KALRN: variants seen among roughly 807,000 people sequenced by gnomAD.
KALRN encodes kalirin.
A neutral mutation model predicts 353.7 loss-of-function variants in KALRN; 70 were observed. The ratio of observed to expected loss-of-function variants is 0.20; its 90% CI spans 0.16 to 0.24. KALRN has a LOEUF of 0.24. Among genes scored for constraint, KALRN ranks in the 10% least tolerant of loss-of-function variants. The pLI is 1.00. For missense variants in KALRN, 2,791 were observed against 3,756.7 expected, an observed-to-expected ratio of 0.74 and a Z score of 6.72; for synonymous variants, 1,391 against 1,434.8, an observed-to-expected ratio of 0.97 and a Z score of 0.69.
intron 10 of KALRN, among the ~76,000 whole-genome samples, chr3:124,378,454 GA>G (rs906922528): frequency 2.6e-5 from 4 of 151,832 alleles, no homozygotes; most frequent in African/African-American, 9.7e-5. Context: ...ATAATAAGAG[GA>G]AAAAAACCTT....
chr3:124,496,739 C>A (rs1301808214), intron 33 of KALRN, among the ~76,000 whole-genome samples: 1 of 152,116 alleles, frequency 6.6e-6, no homozygotes, highest in Non-Finnish European at 1.5e-5. Flanking sequence ...GGCTGCTGTG[C>A]CTTCTGGGGG....
chr3:124,682,895 T>C (rs1012023463), intron 51 of KALRN, among the ~76,000 whole-genome samples: 11 of 152,140 alleles, frequency 7.2e-5, no homozygotes, highest in African/African-American at 2.4e-4. Context: ...CTCCCAGCAG[T>C]ACATGCCACA....
At position 124,044,131 on chromosome 3, in the gene KALRN, C is replaced by G. The variant is rs556934869; in HGVS notation, c.73+10318C>G. Among the ~76,000 whole-genome samples, 3 of 152,238 alleles carry G rather than the reference C, an allele frequency of 2.0e-5. No individual in the cohort carries two copies. The East Asian group carries it at 5.8e-4, about 30-fold the overall frequency. On this transcript the variant is annotated intron_variant, in intron 1 of 59. Coordinates refer to ENST00000682506, the MANE Select transcript of KALRN (RefSeq NM_001388419.1). The stretch of plus-strand genomic sequence containing the variant: ...AATCCTTCACACAAAAGAGAAGATG[C>G]CATACTCTCTTTCTTGGACCCAAAC...
chr3:124,163,803 T>G (rs2070388444), intron 1 of KALRN: 1 of 985,384 alleles, frequency 1.0e-6, no homozygotes, highest in Admixed American at 6.1e-5. Context: ...CTGTATGTCA[T>G]CTTGCTCCTG....
At chr3:124,423,010 T>G in intron 15 of KALRN, 32 bp downstream of exon 15, 1 of 1,606,012 alleles carries the variant, frequency 6.2e-7, no homozygotes, top group Non-Finnish European at 8.5e-7. Flanking sequence ...TCAGCCTGGG[T>G]TTCTCAGCCA....
At chr3:124,577,871 AAAC>A (rs751627451) in intron 34 of KALRN, among the ~76,000 whole-genome samples, 12 of 50,078 alleles carry the variant, frequency 2.4e-4, no homozygotes, top group Non-Finnish European at 4.0e-4. Flanking sequence ...AAAACAAAAC[AAAC>A]AAACAAACAA....
chr3:124,191,194 C>T (rs1194727826), intron 1 of KALRN, among the ~76,000 whole-genome samples: 2 of 152,220 alleles, frequency 1.3e-5, no homozygotes, highest in African/African-American at 2.4e-5. Context: ...TTCCACTGTC[C>T]AGAAGCTCCC....
chr3:124,329,327 C>A (rs2080261071), intron 7 of KALRN, among the ~76,000 whole-genome samples: 1 of 152,178 alleles, frequency 6.6e-6, no homozygotes, highest in African/African-American at 2.4e-5. Context: ...CAGTGGGAGA[C>A]CTGTTGAGGG....
intron 23 of KALRN, among the ~76,000 whole-genome samples, chr3:124,461,446 GTATA>G (rs2059849660): frequency 6.6e-6 from 1 of 152,042 alleles, no homozygotes; most frequent in Admixed American, 6.6e-5. Flanking sequence ...AACTGTTTTG[GTATA>G]TATCTACAAA....
At chr3:124,390,817 C>G (rs998453525) in intron 11 of KALRN, among the ~76,000 whole-genome samples, 4 of 152,108 alleles carry the variant, frequency 2.6e-5, no homozygotes, top group African/African-American at 9.7e-5. Context: ...CATCCGTAAG[C>G]CTTGTTATTT....
chr3:124,454,956 G>C (rs929976659), intron 21 of KALRN, among the ~76,000 whole-genome samples: 3 of 152,166 alleles, frequency 2.0e-5, no homozygotes, highest in South Asian at 4.1e-4. Context: ...AGGGATGACT[G>C]TAATATTATG....
chr3:124,651,155 C>A (rs1303353025), intron 38 of KALRN, among the ~76,000 whole-genome samples: 1 of 152,214 alleles, frequency 6.6e-6, no homozygotes, highest in African/African-American at 2.4e-5. Flanking sequence ...TGTGAGATAG[C>A]AGCTATTACT....
intron 1 of KALRN, among the ~76,000 whole-genome samples, chr3:124,203,065 C>G (rs2076098832): frequency 6.6e-6 from 1 of 152,172 alleles, no homozygotes; most frequent in Non-Finnish European, 1.5e-5. Context: ...TTGCAGTACT[C>G]TGGGGAAGTT....
At chr3:124,601,704 C>T (rs1392847635) in intron 34 of KALRN, among the ~76,000 whole-genome samples, 1 of 108,012 alleles carries the variant, frequency 9.3e-6, no homozygotes, top group African/African-American at 3.5e-5. Flanking sequence ...ATCTGCTATG[C>T]TGTGGTAAAT....
chr3:124,312,333 G>A (rs2149312607), intron 6 of KALRN, among the ~76,000 whole-genome samples: 1 of 152,168 alleles, frequency 6.6e-6, no homozygotes, highest in South Asian at 2.1e-4. Flanking sequence ...GCTAATTTTT[G>A]TATTTTTAGT....
Position 124,674,552 on chromosome 3 carries a change from A to G in KALRN, c.7131A>G (p.Pro2377=), listed in dbSNP as rs776508384. The part of the protein sequence containing the change: ...DHSPAAEGWV[P]GSILAPLTKA... ...CCCCCGCCGCCGAGGGCTGGGTCCC[A>G]GGCAGCATCCTGGCGCCCCTCACCA... is the stretch of plus-strand genomic sequence containing the variant. The change falls in exon 49 of 60, where the codon CCA becomes CCG. Residue 2377 remains proline, a synonymous_variant. Coordinates refer to ENST00000682506, the MANE Select transcript of KALRN (RefSeq NM_001388419.1). The G allele has an allele frequency of 1.2e-4, 194 of 1,612,556 alleles. No homozygotes were observed. Among genetic ancestry groups the G allele is most frequent in the Non-Finnish European group, 1.6e-4 (189 of 1,179,216 alleles).
At chr3:124,518,467 C>A (rs750511632) in intron 33 of KALRN, 1 of 1,614,098 alleles carries the variant, frequency 6.2e-7, no homozygotes, top group Non-Finnish European at 8.5e-7. Context: ...GTTTAGCGCG[C>A]ATCCTGGGAC....
intron 5 of KALRN, among the ~76,000 whole-genome samples, chr3:124,279,243 C>G (rs967495344): frequency 2.6e-5 from 4 of 152,136 alleles, no homozygotes; most frequent in Admixed American, 2.6e-4. Flanking sequence ...CAGTTCACCC[C>G]CTCTGAACAC....
chr3:124,389,091 A>G (rs991916882), intron 11 of KALRN, among the ~76,000 whole-genome samples: 3 of 152,316 alleles, frequency 2.0e-5, no homozygotes, highest in South Asian at 2.1e-4. Flanking sequence ...CTGCTGATAA[A>G]TACTGTTATA....
Sources: allele counts gnomAD v4.1 joint callset (sites outside exome capture counted in the v4.1 genomes callset), GRCh38; gene constraint gnomAD v4.1.1; transcripts MANE v1.5; gene names NCBI Gene and HGNC (gene_info 2026-07-23, HGNC 2026-07-21).